Variants in ZFC3H1 observed in about 807,000 individuals in gnomAD.
ZFC3H1 encodes the protein zinc finger C3H1-type containing.
Under a neutral mutation model 243.7 loss-of-function variants are expected in ZFC3H1, and 71 were observed. That is an observed-to-expected ratio of 0.29 (90% CI 0.24 to 0.36). The LOEUF (loss-of-function observed/expected upper bound fraction) is 0.36. Ranked by LOEUF, ZFC3H1 falls within the 10% of genes least tolerant of loss-of-function variation. The pLI is 1.00. For synonymous variants in ZFC3H1, 838 were observed against 813.0 expected, an observed-to-expected ratio of 1.03 and a Z score of -0.52; for missense variants, 1,966 against 2,317.1, an observed-to-expected ratio of 0.85 and a Z score of 3.11.
chr12:71,662,612 A>G (rs1456128253), intron 1 of ZFC3H1, among the ~76,000 whole-genome samples: 1 of 152,138 alleles, frequency 6.6e-6, no homozygotes, highest in Non-Finnish European at 1.5e-5. Context: ...TCAAACTGCA[A>G]TATGATAAAG....
In ZFC3H1 at chr12:71,656,917, G is replaced by C. The variant is rs1881033488; in HGVS notation, c.983C>G (p.Ser328Cys). 1 of 1,613,000 alleles carries C rather than the reference G, an allele frequency of 6.2e-7. No individual in the cohort carries two copies. ...AGAATCAGTAGTGTCGGATTTCAGG[G>C]AAAGTGGTTTTGCTCCATCTTTAAC... is the stretch of plus-strand genomic sequence containing the variant. ...KKVKDGAKPL[S>C]LKSDTTDSSQ... Residue 328 changes from serine (S) to cysteine (C), a missense_variant, in exon 2 of 35, where the codon TCC becomes TGC. Transcript: ENST00000378743.
chr12:71,634,290 C>A lies in ZFC3H1; in HGVS notation c.2375G>T (p.Arg792Leu), dbSNP rs201113192. Residue 792 changes from arginine to leucine, a missense_variant, in exon 12 of 35, where the codon CGT (arginine) becomes CTT (leucine). Arg to Leu is a moderately radical substitution (Grantham distance 102). Coordinates refer to ENST00000378743, the MANE Select transcript of ZFC3H1 (RefSeq NM_144982.5). ...KEEIANREKQ[R>L]LIKSDQLKTS... The stretch of plus-strand genomic sequence containing the variant: ...CTTCAGCTGATCTGATTTAATCAAA[C>A]GCTGTTTCTCACGGCTAAAATTATC... 1 of 1,612,734 alleles carries A rather than the reference C, an allele frequency of 6.2e-7. No homozygotes were observed. Among genetic ancestry groups the A allele is most frequent in the South Asian group, 1.1e-5 (1 of 90,686 alleles).
chr12:71,649,109 A>G (rs1880811015), intron 2 of ZFC3H1, among the ~76,000 whole-genome samples: 1 of 151,168 alleles, frequency 6.6e-6, no homozygotes, highest in Non-Finnish European at 1.5e-5. Context: ...AAAAAAAAAA[A>G]AGAAAAGAAA....
At chr12:71,635,018 T>C (rs1880425200) in intron 10 of ZFC3H1, among the ~76,000 whole-genome samples, 193 bp from the exon 11 acceptor site, 1 of 152,160 alleles carries the variant, frequency 6.6e-6, no homozygotes, top group African/African-American at 2.4e-5. Flanking sequence ...CACCAAGTAG[T>C]GAAGATCTAC....
intron 2 of ZFC3H1, among the ~76,000 whole-genome samples, chr12:71,650,644 C>A (rs553079096): frequency 1.3e-5 from 2 of 152,190 alleles, no homozygotes; most frequent in African/African-American, 4.8e-5. Context: ...AAACAAAAGA[C>A]AGAAAACAAA....
At chr12:71,626,476 C>T (rs749729557) in intron 21 of ZFC3H1, 30 bp from the exon 22 acceptor site, 8 of 1,546,708 alleles carry the variant, frequency 5.2e-6, no homozygotes, top group African/African-American at 2.8e-5. Context: ...GGTGGAAGTG[C>T]TTTTTAGAAC....
At chr12:71,621,337 T>C (rs1220703724) in intron 24 of ZFC3H1, among the ~76,000 whole-genome samples, 1 of 151,102 alleles carries the variant, frequency 6.6e-6, no homozygotes, top group Non-Finnish European at 1.5e-5. Flanking sequence ...GGAGTCTTGC[T>C]CTGTTGCCCA....
intron 27 of ZFC3H1, among the ~76,000 whole-genome samples, chr12:71,616,686 A>G (rs112774099): frequency 6.6e-6 from 1 of 152,228 alleles, no homozygotes; most frequent in Admixed American, 6.5e-5. Context: ...ACAATCTAGT[A>G]TAACTATTTA....
intron 2 of ZFC3H1, among the ~76,000 whole-genome samples, chr12:71,653,427 C>G (rs751967114): frequency 6.6e-6 from 1 of 152,048 alleles, no homozygotes; most frequent in Admixed American, 6.5e-5. Context: ...TAACATACAT[C>G]TATACAGAGT....
At chr12:71,623,036 A>C (rs1414383825) in intron 24 of ZFC3H1, among the ~76,000 whole-genome samples, 1 of 152,192 alleles carries the variant, frequency 6.6e-6, no homozygotes, top group Non-Finnish European at 1.5e-5. Context: ...TGCTAAAAAA[A>C]AAAAAAAGTA....
chr12:71,613,765 A>T, intron 30 of ZFC3H1: 1 of 176,896 alleles, frequency 5.7e-6, no homozygotes. Context: ...TTGCTCATGG[A>T]ATGCCCGTGT....
rs765142780 is a variant in ZFC3H1 at position 71,625,720 on chromosome 12, T to C, written c.4317+540A>G. 4.7e-4 allele frequency among the ~76,000 whole-genome samples: 72 copies of C among 152,180 alleles called. 1 individual carries two copies. The highest frequency in any genetic ancestry group is 3.5e-3 in the Admixed American group (53 of 15,286). ...CTGACAGCCAAAAAAACCATCTCAT[T>C]CTCTTGGAGAAAGAGGAAGAGGCCA... is the stretch of plus-strand genomic sequence containing the variant. On this transcript the variant is annotated intron_variant, in intron 22 of 34. Transcript: ENST00000378743.
At chr12:71,627,174 G>C (rs1880191960) in intron 21 of ZFC3H1, among the ~76,000 whole-genome samples, 1 of 150,730 alleles carries the variant, frequency 6.6e-6, no homozygotes, top group South Asian at 2.1e-4. Flanking sequence ...TTATAATTAT[G>C]AAAAGATTAT....
chr12:71,615,352 AC>A (rs763499434), intron 27 of ZFC3H1, 36 bp from the exon 28 acceptor site: 1 of 1,306,150 alleles, frequency 7.7e-7, no homozygotes, highest in Non-Finnish European at 1.1e-6. Flanking sequence ...TTTAAATTAC[AC>A]CTACCCACAC....
At chr12:71,659,852 T>G (rs1421537560) in intron 1 of ZFC3H1, among the ~76,000 whole-genome samples, 1 of 152,208 alleles carries the variant, frequency 6.6e-6, no homozygotes, top group Non-Finnish European at 1.5e-5. Flanking sequence ...ATGGAATGAC[T>G]TTTTACTGAT....
chr12:71,658,340 G>A (rs1881076461), intron 1 of ZFC3H1, among the ~76,000 whole-genome samples: 1 of 138,750 alleles, frequency 7.2e-6, no homozygotes, highest in South Asian at 2.3e-4. Context: ...CCAGTCTGGA[G>A]TGCAGTGGTG....
At chr12:71,625,791 G>C (rs1880149565) in intron 22 of ZFC3H1, among the ~76,000 whole-genome samples, 1 of 152,100 alleles carries the variant, frequency 6.6e-6, no homozygotes, top group South Asian at 2.1e-4. Flanking sequence ...TTAGATATTA[G>C]TGTGAATTAC....
intron 27 of ZFC3H1, among the ~76,000 whole-genome samples, chr12:71,618,579 T>A (rs778542484): frequency 2.0e-5 from 3 of 152,236 alleles, no homozygotes; most frequent in Non-Finnish European, 2.9e-5. Flanking sequence ...CATCTATGGC[T>A]GGTTTCTCAA....
Position 71,631,793 on chromosome 12 carries a change from A to C in ZFC3H1, c.3455T>G (p.Val1152Gly), listed in dbSNP as rs1317673908. Residue 1152 changes from valine to glycine, a missense_variant, in exon 16 of 35, where the codon GTT (valine) becomes GGT (glycine). This residue lies in a region of ZFC3H1 where 1,383 missense variants were observed against 1,723.7 expected (regional missense o/e 0.80). Coordinates refer to ENST00000378743, the MANE Select transcript of ZFC3H1 (RefSeq NM_144982.5). Reference sequence around the variant, plus strand: ...TCTTTTATACCTGTAGGACTTAAAAACTAGAAGAGGACTATGGTAGGGTCT... The same window carrying C: ...TCTTTTATACCTGTAGGACTTAAAACCTAGAAGAGGACTATGGTAGGGTCT... The part of the protein sequence containing the change: ...PFRPYHSPLL[V>G]FKSYRFSPYY... 2 of 1,608,062 alleles carry C rather than the reference A, an allele frequency of 1.2e-6. No homozygotes were observed. Among genetic ancestry groups the C allele is most frequent in the South Asian group, 2.2e-5 (2 of 89,410 alleles).
Sources: gnomAD v4.1 joint callset for allele counts (sites outside exome capture counted in the v4.1 genomes callset) on GRCh38, gnomAD v4.1.1 for gene constraint, gnomAD v4.1.1 regional missense constraint, MANE v1.5 for transcripts, NCBI Gene and HGNC (gene_info 2026-07-23, HGNC 2026-07-21) for gene names.